PDGFRL: variants seen among roughly 807,000 people sequenced by gnomAD.
PDGFRL encodes platelet derived growth factor receptor like.
PDGFRL carries 46 observed loss-of-function variants against 37.2 expected under a neutral mutation model. That is an observed-to-expected ratio of 1.24 (90% CI 0.98 to 1.58). The LOEUF (loss-of-function observed/expected upper bound fraction) is 1.58, where lower values mean the gene tolerates loss of function less well. Among genes scored for constraint, PDGFRL ranks in the 40% most tolerant of loss-of-function variants. The pLI is 0.00. For synonymous variants in PDGFRL, 251 were observed against 184.3 expected (o/e 1.36, Z -2.93); for missense variants, 692 against 467.6 (o/e 1.48, Z -4.43).
At chr8:17,636,563 T>C (rs1804974011) in intron 5 of PDGFRL, among the ~76,000 whole-genome samples, 1 of 101,976 alleles carries the variant, frequency 9.8e-6, no homozygotes, top group Admixed American at 1.1e-4. Flanking sequence ...TAGATTTGTT[T>C]TTTTTTTTTG....
chr8:17,634,971 AGGTTTTTT>A (rs1804940680), intron 5 of PDGFRL, among the ~76,000 whole-genome samples: 1 of 128,412 alleles, frequency 7.8e-6, no homozygotes, highest in Non-Finnish European at 1.6e-5. Context: ...CTAAAATAAA[AGGTTTTTT>A]TTTAAAAAAA....
intron 2 of PDGFRL, among the ~76,000 whole-genome samples, chr8:17,620,064 G>A (rs1177495666): frequency 6.6e-6 from 1 of 152,122 alleles, no homozygotes; most frequent in Non-Finnish European, 1.5e-5. Flanking sequence ...TTGTGCTCAA[G>A]CCATCTTCCT....
At chr8:17,590,922 C>T (rs1226696905) in intron 2 of PDGFRL, among the ~76,000 whole-genome samples, 2 of 146,018 alleles carry the variant, frequency 1.4e-5, no homozygotes, top group Non-Finnish European at 3.0e-5. Context: ...TCGCTCTGTC[C>T]CACAGGTTGG....
rs951819046 is a variant in PDGFRL, at chr8:17,590,719, T to TA, written c.353+963dup. Among the ~76,000 whole-genome samples the TA allele has an allele frequency of 1.3e-4, 20 of 150,354 alleles. 1 individual carries two copies. The highest frequency in any genetic ancestry group is 8.5e-4 in the South Asian group (4 of 4,692). ...AGAGTGAAACTCCGTCTCAAAAAAA[T>TA]AAAAAAAAATCATACCGTGAAAGTT... On this transcript the variant is annotated intron_variant, in intron 2 of 5. Transcript: ENST00000251630.
chr8:17,625,012 T>C (rs1156755838), intron 3 of PDGFRL, among the ~76,000 whole-genome samples: 1 of 152,110 alleles, frequency 6.6e-6, no homozygotes, highest in South Asian at 2.1e-4. Context: ...TATTATACTT[T>C]AAGTTTTAGG....
At chr8:17,636,499 T>C (rs185805861) in intron 5 of PDGFRL, among the ~76,000 whole-genome samples, 12 of 152,302 alleles carry the variant, frequency 7.9e-5, no homozygotes, top group African/African-American at 2.6e-4. Context: ...TACCATGCTG[T>C]TTTGGTGACT....
chr8:17,617,374 C>T (rs1180821650), intron 2 of PDGFRL, among the ~76,000 whole-genome samples: 1 of 152,164 alleles, frequency 6.6e-6, no homozygotes, highest in Non-Finnish European at 1.5e-5. Context: ...TCCCCATTCG[C>T]CACTTTCTCC....
At chr8:17,629,052 G>C (rs1033233588) in intron 4 of PDGFRL, among the ~76,000 whole-genome samples, 2 of 151,060 alleles carry the variant, frequency 1.3e-5, no homozygotes, top group African/African-American at 4.9e-5. Flanking sequence ...TGAGTAGCTG[G>C]AACCACAGGT....
chr8:17,609,323 A>G (rs1476909230), intron 2 of PDGFRL, among the ~76,000 whole-genome samples: 1 of 152,140 alleles, frequency 6.6e-6, no homozygotes, highest in African/African-American at 2.4e-5. Flanking sequence ...CCTGGCCAAC[A>G]TGATGAAACC....
intron 2 of PDGFRL, among the ~76,000 whole-genome samples, chr8:17,602,176 T>G (rs1804178722): frequency 6.6e-6 from 1 of 152,200 alleles, no homozygotes; most frequent in East Asian, 1.9e-4. Context: ...AGAGGGTATC[T>G]CATTGTGGAT....
At chr8:17,636,327 C>G (rs112991748) in intron 5 of PDGFRL, among the ~76,000 whole-genome samples, 1 of 152,182 alleles carries the variant, frequency 6.6e-6, no homozygotes, top group African/African-American at 2.4e-5. Context: ...TATTCATCAT[C>G]TACATTTGGC....
At chr8:17,639,666 C>T (rs1265743332) in intron 5 of PDGFRL, among the ~76,000 whole-genome samples, 1 of 152,256 alleles carries the variant, frequency 6.6e-6, no homozygotes, top group Middle Eastern at 3.4e-3. Flanking sequence ...GACATGTTTT[C>T]CTTTATAAGT....
intron 2 of PDGFRL, among the ~76,000 whole-genome samples, chr8:17,602,305 G>A (rs2129664315): frequency 6.6e-6 from 1 of 152,286 alleles, no homozygotes; most frequent in East Asian, 1.9e-4. Context: ...GATGTGGCTG[G>A]TCAGAGGGAC....
intron 5 of PDGFRL, among the ~76,000 whole-genome samples, chr8:17,637,065 GAC>G (rs1437426902): frequency 1.3e-5 from 2 of 151,864 alleles, no homozygotes; most frequent in Admixed American, 6.5e-5. Context: ...AGCAAACAGC[GAC>G]AGTTTGACTT....
intron 4 of PDGFRL, 113 bp from the exon 5 acceptor site, chr8:17,633,961 C>A: frequency 9.5e-7 from 1 of 1,056,996 alleles, no homozygotes; most frequent in Non-Finnish European, 1.5e-6. Context: ...GGTCAGGGAG[C>A]TGTGAGAAAG....
At chr8:17,607,959 TGGC>T (rs1194175586) in intron 2 of PDGFRL, among the ~76,000 whole-genome samples, 4 of 152,228 alleles carry the variant, frequency 2.6e-5, no homozygotes, top group African/African-American at 7.2e-5. Flanking sequence ...TTGGCTGCCT[TGGC>T]GGCTCCGTCC....
chr8:17,577,096 A>AAAAAAAAAT, upstream of PDGFRL: 1 of 936,918 alleles, frequency 1.1e-6, no homozygotes, highest in Non-Finnish European at 1.5e-6. Flanking sequence ...AAAAAAAAAA[A>AAAAAAAAAT]TTCCCCAACT....
rs772053245 is a variant in PDGFRL, at chr8:17,642,725, A to T, written c.1052A>T (p.Asp351Val). The change falls in exon 6 of 6, where the codon GAT (aspartate) becomes GTT (valine). Residue 351 changes from aspartate (D) to valine (V), a missense_variant. Coordinates refer to ENST00000251630, the MANE Select transcript of PDGFRL (RefSeq NM_001372073.1). ...VITVEDFETI[D>V]AGYYICTAQN... ...ACAGTGGAAGACTTTGAGACGATTG[A>T]TGCAGGATATTACATTTGCACTGCT... 4.4e-6 allele frequency: 7 copies of T among 1,607,422 alleles called. No homozygotes were observed. In the South Asian group the frequency reaches 5.5e-5, roughly 13 times the overall value.
rs974955330 is a variant in PDGFRL at position 17,633,980 on chromosome 8, T to C, written c.800-94T>C. On this transcript the variant is annotated intron_variant, in intron 4 of 5. Coordinates refer to ENST00000251630, the MANE Select transcript of PDGFRL (RefSeq NM_001372073.1). ...AGGGAGCTGTGAGAAAGGCAGAAAA[T>C]TCCATCTCTCTCCATGGAAAAGAAT... 8 of 1,294,254 alleles carry C rather than the reference T, an allele frequency of 6.2e-6. No homozygotes were observed. In the African/African-American group the frequency reaches 8.7e-5, roughly 14 times the overall value. The allele number at this position is 1,294,254 out of a possible 1,614,324, so 80.2% of individuals were successfully genotyped here.
Sources: allele counts gnomAD v4.1 joint callset (sites outside exome capture counted in the v4.1 genomes callset), GRCh38; gene constraint gnomAD v4.1.1; transcripts MANE v1.5; gene names NCBI Gene and HGNC (gene_info 2026-07-23, HGNC 2026-07-21).